Variants in HPSE2 observed in about 807,000 individuals in gnomAD.
The protein encoded by HPSE2 is heparanase 2 (inactive).
Under a neutral mutation model 60.5 loss-of-function variants are expected in HPSE2, and 38 were observed. The observed-to-expected ratio is 0.63, with a 90% CI of 0.48 to 0.82. The LOEUF is 0.82. Ranked by LOEUF, HPSE2 falls within the 40% of genes least tolerant of loss-of-function variation. The probability of loss-of-function intolerance (pLI) is 0.00; values close to 1 mark genes in which losing one functional copy is unlikely to be tolerated. For missense variants in HPSE2, 713 were observed against 740.4 expected, an observed-to-expected ratio of 0.96 and a Z score of 0.43; for synonymous variants, 295 against 293.2, an observed-to-expected ratio of 1.01 and a Z score of -0.06.
chr10:98,700,680 A>C (rs1948381748), intron 5 of HPSE2, among the ~76,000 whole-genome samples: 1 of 68,144 alleles, frequency 1.5e-5, no homozygotes, highest in African/African-American at 3.2e-5. Flanking sequence ...TGCACAGCAA[A>C]AGAAACTACT....
rs769005239 is a variant in HPSE2 at position 98,938,522 on chromosome 10, G to C, written c.611-194466C>G. On this transcript the variant is annotated intron_variant, in intron 3 of 11. Coordinates refer to ENST00000370552, the MANE Select transcript of HPSE2 (RefSeq NM_021828.5). Reference sequence around the variant, plus strand: ...AGATGAAATGAATGAAATGAAGCAAGAAGGGAAGTTTAGAGAAAAAAGAAT... The same window carrying C: ...AGATGAAATGAATGAAATGAAGCAACAAGGGAAGTTTAGAGAAAAAAGAAT... Among the ~76,000 whole-genome samples the C allele has an allele frequency of 9.0e-5, 13 of 143,784 alleles. 2 individuals are homozygous for C. The highest frequency in any genetic ancestry group is 1.5e-4 in the Non-Finnish European group (10 of 67,164). The allele number at this position is 143,784 out of a possible 152,430, so 94.3% of individuals were successfully genotyped here.
chr10:98,598,838 G>A (rs1434571534), intron 9 of HPSE2, among the ~76,000 whole-genome samples: 1 of 152,048 alleles, frequency 6.6e-6, no homozygotes, highest in Non-Finnish European at 1.5e-5. Context: ...TATAAGGGCT[G>A]GTATAGAGCC....
intron 2 of HPSE2, among the ~76,000 whole-genome samples, chr10:99,219,630 C>T (rs767104794): frequency 6.6e-6 from 1 of 152,180 alleles, no homozygotes; most frequent in African/African-American, 2.4e-5. Context: ...AATCCCAGCT[C>T]TTCTACGTAA....
At chr10:99,185,724 A>T (rs1847981014) in intron 2 of HPSE2, among the ~76,000 whole-genome samples, 1 of 151,974 alleles carries the variant, frequency 6.6e-6, no homozygotes, top group Non-Finnish European at 1.5e-5. Context: ...CAGTAAGCCG[A>T]GATTGCACCA....
intron 6 of HPSE2, among the ~76,000 whole-genome samples, chr10:98,646,299 G>C (rs1946766815): frequency 6.9e-6 from 1 of 145,214 alleles, no homozygotes; most frequent in Admixed American, 7.3e-5. Flanking sequence ...TGATGATAAT[G>C]GTGATTTCTT....
intron 9 of HPSE2, among the ~76,000 whole-genome samples, chr10:98,540,009 C>T (rs1459077575): frequency 6.6e-6 from 1 of 152,226 alleles, no homozygotes; most frequent in Non-Finnish European, 1.5e-5. Context: ...TCAGTGACAG[C>T]AGTATTACCT....
At chr10:98,692,642 G>A (rs1175109977) in intron 6 of HPSE2, among the ~76,000 whole-genome samples, 4 of 152,126 alleles carry the variant, frequency 2.6e-5, no homozygotes, top group South Asian at 2.1e-4. Flanking sequence ...GGGGGCGGGC[G>A]CCTGTAGTCC....
chr10:99,077,466 C>T (rs2135562980), intron 3 of HPSE2, among the ~76,000 whole-genome samples: 1 of 152,114 alleles, frequency 6.6e-6, no homozygotes, highest in South Asian at 2.1e-4. Context: ...TTCGAGTTTA[C>T]TGATCCTTTC....
intron 5 of HPSE2, among the ~76,000 whole-genome samples, chr10:98,702,212 G>A (rs147902099): frequency 0.01 from 1,564 of 152,190 alleles, 15 homozygotes; most frequent in Admixed American, 0.022. Flanking sequence ...AAAAGACAAA[G>A]AAGGGCATTA....
intron 3 of HPSE2, among the ~76,000 whole-genome samples, chr10:98,882,169 T>C (rs547396433): frequency 3.2e-4 from 48 of 152,058 alleles, no homozygotes; most frequent in Non-Finnish European, 6.2e-4. Context: ...AGGGGCATAT[T>C]TGGAGCAGAC....
intron 11 of HPSE2, among the ~76,000 whole-genome samples, chr10:98,467,271 G>A (rs554543441): frequency 4.6e-5 from 7 of 152,234 alleles, no homozygotes; most frequent in African/African-American, 1.7e-4. Context: ...TTACTCATCC[G>A]TCACTCTTCT....
chr10:98,683,896 A>C (rs57163818), intron 6 of HPSE2, among the ~76,000 whole-genome samples: 1 of 152,318 alleles, frequency 6.6e-6, no homozygotes, highest in East Asian at 1.9e-4. Context: ...GAAGATCTTA[A>C]AAGTATCAAG....
chr10:99,132,191 A>AAGAAAGAAAGAAAG (rs1845434293), intron 3 of HPSE2, among the ~76,000 whole-genome samples: 1 of 71,904 alleles, frequency 1.4e-5, no homozygotes, highest in African/African-American at 6.4e-5. Flanking sequence ...GAAAGAAAGA[A>AAGAAAGAAAGAAAG]AGAGAGAGAG....
intron 7 of HPSE2, among the ~76,000 whole-genome samples, chr10:98,634,939 TC>T (rs1211979490): frequency 6.6e-6 from 1 of 152,188 alleles, no homozygotes; most frequent in Non-Finnish European, 1.5e-5. Flanking sequence ...TGAGAGGACT[TC>T]CCTGATTTCC....
chr10:98,698,091 A>G (rs1251914591), intron 5 of HPSE2, among the ~76,000 whole-genome samples: 11 of 145,204 alleles, frequency 7.6e-5, no homozygotes, highest in South Asian at 2.5e-4. Context: ...CGAGACAGAA[A>G]GTTAACAAGG....
intron 3 of HPSE2, among the ~76,000 whole-genome samples, chr10:98,826,610 C>T (rs879353088): frequency 1.1e-4 from 17 of 152,166 alleles, no homozygotes; most frequent in Admixed American, 7.2e-4. Flanking sequence ...CTTCTTATCT[C>T]TTATAATGCT....
At chr10:98,739,831 G>A (rs1323308694) in intron 4 of HPSE2, among the ~76,000 whole-genome samples, 1 of 152,136 alleles carries the variant, frequency 6.6e-6, no homozygotes, top group Non-Finnish European at 1.5e-5. Flanking sequence ...GTAGTTCAGT[G>A]TTCATTCAAT....
intron 2 of HPSE2, among the ~76,000 whole-genome samples, chr10:99,165,897 T>C (rs1213176115): frequency 6.6e-6 from 1 of 152,258 alleles, no homozygotes; most frequent in East Asian, 1.9e-4. Context: ...CCCATTACCA[T>C]ACAAAATAAT....
chr10:98,706,667 A>G (rs1948555657), intron 5 of HPSE2, among the ~76,000 whole-genome samples: 1 of 152,206 alleles, frequency 6.6e-6, no homozygotes, highest in African/African-American at 2.4e-5. Flanking sequence ...GGATTTTGCC[A>G]GGAGGAGCAG....
Sources: allele counts gnomAD v4.1 joint callset (sites outside exome capture counted in the v4.1 genomes callset), GRCh38; gene constraint gnomAD v4.1.1; transcripts MANE v1.5; gene names NCBI Gene and HGNC (gene_info 2026-07-23, HGNC 2026-07-21).